Variants in KIF6 observed in about 807,000 individuals in gnomAD.
KIF6 encodes the protein kinesin family member 6.
Under a neutral mutation model 112.7 loss-of-function variants are expected in KIF6, and 106 were observed. The ratio of observed to expected loss-of-function variants is 0.94; its 90% CI spans 0.80 to 1.11. The LOEUF is 1.11. Ranked by LOEUF, KIF6 falls within the 50% of genes least tolerant of loss-of-function variation. The pLI, the probability that KIF6 is intolerant of heterozygous loss-of-function variation, is 0.00. For missense variants in KIF6, 929 were observed against 964.0 expected, an observed-to-expected ratio of 0.96 and a Z score of 0.48; for synonymous variants, 339 against 339.9, an observed-to-expected ratio of 1.00 and a Z score of 0.03.
intron 18 of KIF6, among the ~76,000 whole-genome samples, chr6:39,358,499 T>G (rs979467490): frequency 2.0e-5 from 3 of 152,258 alleles, no homozygotes; most frequent in Non-Finnish European, 4.4e-5. Flanking sequence ...ACTCTGGCTT[T>G]CGCTGTCTCT....
intron 15 of KIF6, among the ~76,000 whole-genome samples, chr6:39,417,963 C>T (rs978961867): frequency 8.0e-5 from 12 of 150,240 alleles, no homozygotes; most frequent in Admixed American, 6.7e-4. Context: ...AGGATGCTGA[C>T]AAATTGGCCC....
intron 13 of KIF6, among the ~76,000 whole-genome samples, chr6:39,517,310 T>G (rs1483089795): frequency 6.6e-6 from 1 of 152,178 alleles, no homozygotes; most frequent in Non-Finnish European, 1.5e-5. Flanking sequence ...CTATTAGGCA[T>G]TAGGGAAAGA....
At chr6:39,427,791 G>T (rs956379609) in intron 14 of KIF6, among the ~76,000 whole-genome samples, 10 of 152,212 alleles carry the variant, frequency 6.6e-5, no homozygotes, top group South Asian at 6.2e-4. Flanking sequence ...TGTCACATGG[G>T]TTGTCAGAAC....
At chr6:39,631,552 T>C (rs11752716) in intron 5 of KIF6, among the ~76,000 whole-genome samples, 3,233 of 152,256 alleles carry the variant, frequency 0.021, 60 homozygotes, top group Non-Finnish European at 0.03. Context: ...GCGGATTACA[T>C]TGATTGCTTT....
intron 3 of KIF6, among the ~76,000 whole-genome samples, chr6:39,677,174 A>AT (rs1209841460): frequency 6.6e-6 from 1 of 152,112 alleles, no homozygotes; most frequent in Admixed American, 6.6e-5. Flanking sequence ...TAGACCTATA[A>AT]TTTTGTAAAA....
intron 10 of KIF6, among the ~76,000 whole-genome samples, chr6:39,559,697 G>A (rs543465024): frequency 8.6e-4 from 131 of 152,076 alleles, no homozygotes; most frequent in Non-Finnish European, 1.6e-3. Flanking sequence ...TATTCAGAGC[G>A]TTTATTGACT....
At chr6:39,626,763 G>C (rs1310509091) in intron 5 of KIF6, among the ~76,000 whole-genome samples, 1 of 152,160 alleles carries the variant, frequency 6.6e-6, no homozygotes, top group Non-Finnish European at 1.5e-5. Flanking sequence ...AATCACCTGG[G>C]ATGTTTATTC....
chr6:39,492,456 T>C (rs980862271), intron 13 of KIF6, among the ~76,000 whole-genome samples: 1 of 152,198 alleles, frequency 6.6e-6, no homozygotes, highest in African/African-American at 2.4e-5. Context: ...GTTTCCTCAG[T>C]TGCAAATACA....
chr6:39,487,337 T>C (rs926912566), intron 13 of KIF6, among the ~76,000 whole-genome samples: 4 of 152,148 alleles, frequency 2.6e-5, no homozygotes, highest in African/African-American at 7.2e-5. Context: ...AGGTCAGCCC[T>C]CTCTGGGAAT....
chr6:39,346,126 C>CTCT (rs1562113307), intron 20 of KIF6, among the ~76,000 whole-genome samples: 5 of 23,872 alleles, frequency 2.1e-4, no homozygotes, highest in Admixed American at 5.1e-4. Context: ...CCTCTCCCTC[C>CTCT]CTCTCCCTCT....
At chr6:39,633,217 G>A (rs1784445804) in intron 5 of KIF6, among the ~76,000 whole-genome samples, 1 of 152,120 alleles carries the variant, frequency 6.6e-6, no homozygotes, top group Non-Finnish European at 1.5e-5. Context: ...TGAGAGTGTA[G>A]AGGGAGAAGA....
chr6:39,449,758 G>A (rs965538036), intron 13 of KIF6, among the ~76,000 whole-genome samples: 2 of 152,160 alleles, frequency 1.3e-5, no homozygotes, highest in African/African-American at 4.8e-5. Flanking sequence ...TCCTCTGATA[G>A]GTACCAGATT....
intron 13 of KIF6, among the ~76,000 whole-genome samples, chr6:39,463,736 T>C (rs996290660): frequency 2.6e-5 from 4 of 152,216 alleles, no homozygotes; most frequent in African/African-American, 7.2e-5. Context: ...TGAGTCCCCA[T>C]AGTGACTGTC....
At chr6:39,489,783 CTT>C (rs1415581902) in intron 13 of KIF6, among the ~76,000 whole-genome samples, 1 of 152,102 alleles carries the variant, frequency 6.6e-6, no homozygotes, top group African/African-American at 2.4e-5. Context: ...GGCTCAATGA[CTT>C]TATATTGTTA....
chr6:39,479,535 C>T (rs543063433), intron 13 of KIF6, among the ~76,000 whole-genome samples: 1 of 152,098 alleles, frequency 6.6e-6, no homozygotes, highest in African/African-American at 2.4e-5. Context: ...TAATATGATG[C>T]CTCCAGATTT....
At chr6:39,522,655 C>T (rs1307774648) in intron 13 of KIF6, among the ~76,000 whole-genome samples, 2 of 152,214 alleles carry the variant, frequency 1.3e-5, no homozygotes, top group East Asian at 1.9e-4. Flanking sequence ...TTGAAGTTCT[C>T]ATCTTACTTG....
chr6:39,339,483 C>G (rs531630714), intron 22 of KIF6, among the ~76,000 whole-genome samples: 2 of 152,112 alleles, frequency 1.3e-5, no homozygotes, highest in South Asian at 4.2e-4. Flanking sequence ...GAGGGTTTCT[C>G]TGAGTGGGGC....
At chr6:39,401,646 C>T (rs952018422) in intron 15 of KIF6, among the ~76,000 whole-genome samples, 2 of 152,020 alleles carry the variant, frequency 1.3e-5, no homozygotes, top group Middle Eastern at 3.4e-3. Context: ...AATTCCCCAG[C>T]ACCAGCCTGC....
intron 13 of KIF6, among the ~76,000 whole-genome samples, chr6:39,444,458 T>G (rs1772177119): frequency 2.0e-5 from 3 of 152,204 alleles, no homozygotes; most frequent in South Asian, 4.1e-4. Context: ...TTGTTTGTTT[T>G]GTGGTGAGAA....
Sources: gnomAD v4.1 joint callset for allele counts (sites outside exome capture counted in the v4.1 genomes callset) on GRCh38, gnomAD v4.1.1 for gene constraint, MANE v1.5 for transcripts, NCBI Gene and HGNC (gene_info 2026-07-23, HGNC 2026-07-21) for gene names.